GSAP: variants seen among roughly 807,000 people sequenced by gnomAD.
The protein encoded by GSAP is gamma-secretase activating protein, also known as gamma-secretase-activating protein.
A neutral mutation model predicts 131.7 loss-of-function variants in GSAP; 118 were observed. The ratio of observed to expected loss-of-function variants is 0.90; its 90% confidence interval spans 0.77 to 1.04. The LOEUF is 1.04. Ranked by LOEUF, GSAP falls within the 50% of genes least tolerant of loss-of-function variation. The pLI, the probability that GSAP is intolerant of heterozygous loss-of-function variation, is 0.00. For missense variants in GSAP, 1,019 were observed against 1,013.2 expected, an observed-to-expected ratio of 1.01 and a Z score of -0.08; for synonymous variants, 381 against 363.4, an observed-to-expected ratio of 1.05 and a Z score of -0.55.
chr7:77,322,551 G>A (rs1224912701), intron 24 of GSAP, among the ~76,000 whole-genome samples: 1 of 151,460 alleles, frequency 6.6e-6, no homozygotes, highest in Non-Finnish European at 1.5e-5. Flanking sequence ...AAAGGTGATA[G>A]GTGGATGTGT....
intron 14 of GSAP, among the ~76,000 whole-genome samples, chr7:77,358,638 AT>A (rs1231236071): frequency 6.6e-6 from 1 of 152,222 alleles, no homozygotes; most frequent in African/African-American, 2.4e-5. Context: ...TAAAAATCAA[AT>A]TCTATGAATA....
At chr7:77,314,149 C>A (rs111775797) in intron 27 of GSAP, among the ~76,000 whole-genome samples, 1,938 of 152,272 alleles carry the variant, frequency 0.013, 33 homozygotes, top group African/African-American at 0.041. Flanking sequence ...GCTCACAGGA[C>A]CAGCTGTATA....
chr7:77,344,483 A>G (rs1562984460), intron 19 of GSAP, among the ~76,000 whole-genome samples: 1 of 152,132 alleles, frequency 6.6e-6, no homozygotes, highest in Non-Finnish European at 1.5e-5. Context: ...CATTCCAGAC[A>G]CCAGCCCAAC....
At chr7:77,363,628 C>T (rs547451074) in intron 12 of GSAP, among the ~76,000 whole-genome samples, 2 of 152,286 alleles carry the variant, frequency 1.3e-5, no homozygotes, top group South Asian at 2.1e-4. Context: ...CCTAAGAGGG[C>T]TATTCAAGGA....
intron 6 of GSAP, among the ~76,000 whole-genome samples, chr7:77,383,125 T>G (rs1160830047): frequency 6.6e-6 from 1 of 152,074 alleles, no homozygotes; most frequent in African/African-American, 2.4e-5. Flanking sequence ...AGGTTGAAGT[T>G]GGAGTGAGCC....
At chr7:77,312,813 G>T (rs946107332) in intron 28 of GSAP, among the ~76,000 whole-genome samples, 7 of 152,210 alleles carry the variant, frequency 4.6e-5, no homozygotes, top group African/African-American at 1.7e-4. Context: ...AGTGTGCAAG[G>T]CATGTACACA....
chr7:77,318,087 A>T (rs577666153), intron 26 of GSAP, among the ~76,000 whole-genome samples: 7 of 152,368 alleles, frequency 4.6e-5, no homozygotes, highest in African/African-American at 1.7e-4. Context: ...TTCAACATCA[A>T]CTAATTCAAC....
chr7:77,407,088 C>T (rs143670825), intron 1 of GSAP, among the ~76,000 whole-genome samples: 3 of 152,260 alleles, frequency 2.0e-5, no homozygotes, highest in African/African-American at 4.8e-5. Flanking sequence ...CACACCAAGT[C>T]GGATTTGGGG....
chr7:77,339,643 A>G (rs74922247), intron 19 of GSAP, among the ~76,000 whole-genome samples: 2,335 of 148,480 alleles, frequency 0.016, 68 homozygotes, highest in African/African-American at 0.054. Flanking sequence ...TAGAGGAGAA[A>G]AACGTGAGGA....
chr7:77,410,607 A>G (rs1583959768), intron 1 of GSAP, among the ~76,000 whole-genome samples: 2 of 152,354 alleles, frequency 1.3e-5, no homozygotes, highest in South Asian at 2.1e-4. Flanking sequence ...GATATTAAAG[A>G]TATTGGCAAG....
chr7:77,416,392 T>C (rs1804482131), upstream of GSAP: 1 of 757,670 alleles, frequency 1.3e-6, no homozygotes, highest in Non-Finnish European at 2.0e-6. Flanking sequence ...CGTGGCCGCC[T>C]CGCCCTCGCG....
intron 22 of GSAP, among the ~76,000 whole-genome samples, chr7:77,328,002 C>T (rs1185663626): frequency 6.6e-6 from 1 of 152,172 alleles, no homozygotes; most frequent in Non-Finnish European, 1.5e-5. Flanking sequence ...CTGCATTACC[C>T]CATTTAGTCT....
At chr7:77,313,667 A>C in intron 27 of GSAP, 118 bp from the exon 28 acceptor site, 4 of 522,824 alleles carry the variant, frequency 7.7e-6, no homozygotes, top group East Asian at 3.2e-5. Context: ...GTGTATTCTC[A>C]AGCTAATCTA....
At chr7:77,385,820 G>A (rs563411824) in intron 6 of GSAP, among the ~76,000 whole-genome samples, 1 of 152,338 alleles carries the variant, frequency 6.6e-6, no homozygotes, top group East Asian at 1.9e-4. Flanking sequence ...CCCATAGGGT[G>A]GAGGCTGGTA....
At chr7:77,323,288 A>G (rs968850710) in intron 24 of GSAP, among the ~76,000 whole-genome samples, 5 of 152,234 alleles carry the variant, frequency 3.3e-5, no homozygotes, top group Non-Finnish European at 7.3e-5. Flanking sequence ...TTGAAGTTCA[A>G]GTTCTCTCCT....
intron 22 of GSAP, chr7:77,328,135 G>C: frequency 1.2e-6 from 1 of 818,254 alleles, no homozygotes; most frequent in Non-Finnish European, 1.5e-6. Flanking sequence ...TCTCAAGCCT[G>C]TGCTCTTTCC....
chr7:77,382,985 A>G (rs146717826), intron 6 of GSAP, among the ~76,000 whole-genome samples: 3 of 152,304 alleles, frequency 2.0e-5, no homozygotes, highest in Admixed American at 1.3e-4. Context: ...CAGGAGTTCA[A>G]GACCAGCCTG....
chr7:77,360,511 C>T (rs1349284988), intron 14 of GSAP, among the ~76,000 whole-genome samples: 3 of 152,192 alleles, frequency 2.0e-5, no homozygotes, highest in Non-Finnish European at 4.4e-5. Flanking sequence ...ACATCTCATA[C>T]AAGTTATCAT....
At chr7:77,317,883 A>G (rs144329127) in intron 26 of GSAP, among the ~76,000 whole-genome samples, 21 of 152,304 alleles carry the variant, frequency 1.4e-4, no homozygotes, top group African/African-American at 4.8e-4. Flanking sequence ...CTCATAACTC[A>G]TATTCCATTG....
Sources: allele counts gnomAD v4.1 joint callset (sites outside exome capture counted in the v4.1 genomes callset), GRCh38; gene constraint gnomAD v4.1.1; transcripts MANE v1.5; gene names NCBI Gene and HGNC (gene_info 2026-07-23, HGNC 2026-07-21).